Variants in ABCG2 observed in about 807,000 individuals in gnomAD.
The protein encoded by ABCG2 is broad substrate specificity ATP-binding cassette transporter ABCG2.
ABCG2 carries 80 observed loss-of-function variants against 73.5 expected under a neutral mutation model. That is an observed-to-expected ratio of 1.09 (90% CI 0.91 to 1.31). ABCG2 has a LOEUF of 1.31. Ranked by LOEUF, ABCG2 falls within the 50% of genes most tolerant of loss-of-function variation. The pLI, the probability that ABCG2 is intolerant of heterozygous loss-of-function variation, is 0.00. For missense variants in ABCG2, 796 were observed against 786.2 expected, an observed-to-expected ratio of 1.01 and a Z score of -0.15; for synonymous variants, 269 against 282.4, an observed-to-expected ratio of 0.95 and a Z score of 0.48.
chr4:88,178,401 T>G (rs1425538682), intron 1 of ABCG2, among the ~76,000 whole-genome samples: 1 of 152,056 alleles, frequency 6.6e-6, no homozygotes, highest in African/African-American at 2.4e-5. Flanking sequence ...CCCTCAACAA[T>G]CAGTAGCGGT....
intron 1 of ABCG2, among the ~76,000 whole-genome samples, chr4:88,194,298 CT>C (rs1209497955): frequency 6.6e-6 from 1 of 151,538 alleles, no homozygotes; most frequent in Non-Finnish European, 1.5e-5. Flanking sequence ...CGCCTGTAAT[CT>C]CAGCACTTTG....
chr4:88,171,620 T>G (rs1727759022), intron 1 of ABCG2, among the ~76,000 whole-genome samples: 1 of 104,470 alleles, frequency 9.6e-6, no homozygotes, highest in South Asian at 3.0e-4. Flanking sequence ...ACTTTAATTC[T>G]GATAATTATA....
At chr4:88,093,393 A>C (rs1468024932) in intron 15 of ABCG2, among the ~76,000 whole-genome samples, 1 of 150,618 alleles carries the variant, frequency 6.6e-6, no homozygotes, top group African/African-American at 2.4e-5. Flanking sequence ...AATCCCAGCT[A>C]CTCAGGAGGC....
intron 3 of ABCG2, 126 bp downstream of exon 3, chr4:88,132,450 C>G: frequency 1.0e-6 from 1 of 998,574 alleles, no homozygotes; most frequent in South Asian, 1.4e-5. Flanking sequence ...TCCACAGCAC[C>G]TAGAACCAGA....
chr4:88,172,800 G>T (rs759698931), intron 1 of ABCG2, among the ~76,000 whole-genome samples: 3 of 151,970 alleles, frequency 2.0e-5, no homozygotes, highest in Admixed American at 6.6e-5. Flanking sequence ...TGCAGGAGGG[G>T]TTTTTTTCTG....
intron 1 of ABCG2, among the ~76,000 whole-genome samples, chr4:88,174,282 G>T (rs56357049): frequency 6.6e-6 from 1 of 151,714 alleles, no homozygotes; most frequent in Admixed American, 6.6e-5. Context: ...TTTAAGCCCC[G>T]CATGCATTAG....
At position 88,092,354 on chromosome 4, in the gene ABCG2, C is replaced by G; in HGVS notation, c.1848G>C (p.Lys616Asn). ...CCCAGGGTGAGAGATCGATGCCCTGCTTTACCAAATATTCTTCGCCAGTAC... is the reference window on the plus strand; with the variant it reads ...CCCAGGGTGAGAGATCGATGCCCTGGTTTACCAAATATTCTTCGCCAGTAC... ...ATCTGEEYLV[K>N]QGIDLSPWGL... Residue 616 changes from lysine (K) to asparagine (N), a missense_variant, in exon 16 of 16, where the codon AAG becomes AAC. By Grantham distance (94) the Lys-to-Asn change is moderately conservative (BLOSUM62 0). Coordinates refer to ENST00000237612, the MANE Select transcript of ABCG2 (RefSeq NM_004827.3). 1 of 1,611,984 alleles carries G rather than the reference C, an allele frequency of 6.2e-7. No individual in the cohort carries two copies. The highest frequency in any genetic ancestry group is 8.5e-7 in the Non-Finnish European group (1 of 1,179,542).
intron 6 of ABCG2, among the ~76,000 whole-genome samples, chr4:88,120,960 A>C (rs1198029199): frequency 6.6e-6 from 1 of 152,224 alleles, no homozygotes; most frequent in Non-Finnish European, 1.5e-5. Context: ...AACAATACAC[A>C]GGTGGAAGAA....
chr4:88,161,169 A>ATTT (rs34048085), upstream of ABCG2, among the ~76,000 whole-genome samples: 1 of 141,124 alleles, frequency 7.1e-6, no homozygotes, highest in African/African-American at 2.6e-5. Flanking sequence ...TTTTTTTTTA[A>ATTT]TTTTTTTTTT....
At chr4:88,217,391 T>C (rs891465880) in intron 1 of ABCG2, among the ~76,000 whole-genome samples, 1 of 152,116 alleles carries the variant, frequency 6.6e-6, no homozygotes, top group East Asian at 1.9e-4. Context: ...CCAGGCGCGG[T>C]GGCTCATGTC....
chr4:88,096,228 C>T (rs1228452309), intron 13 of ABCG2, among the ~76,000 whole-genome samples: 2 of 152,150 alleles, frequency 1.3e-5, no homozygotes, highest in African/African-American at 2.4e-5. Context: ...AAAGCAATAG[C>T]GCAATGGAGA....
At chr4:88,216,350 C>G (rs369904321) in intron 1 of ABCG2, among the ~76,000 whole-genome samples, 78 of 152,260 alleles carry the variant, frequency 5.1e-4, no homozygotes, top group African/African-American at 1.8e-3. Context: ...TTTTGTGCCG[C>G]GTGTACATCC....
At chr4:88,203,799 C>T (rs972443699) in intron 1 of ABCG2, among the ~76,000 whole-genome samples, 7 of 150,588 alleles carry the variant, frequency 4.6e-5, no homozygotes, top group African/African-American at 1.5e-4. Flanking sequence ...ATGTTTAAGA[C>T]TTTCCTTAAA....
At chr4:88,154,293 T>A (rs1726766156) in intron 1 of ABCG2, among the ~76,000 whole-genome samples, 1 of 152,186 alleles carries the variant, frequency 6.6e-6, no homozygotes, top group Non-Finnish European at 1.5e-5. Flanking sequence ...TAAAGCGGCT[T>A]TGAGAAGCGT....
intron 1 of ABCG2, among the ~76,000 whole-genome samples, chr4:88,176,290 C>T (rs1282848985): frequency 6.6e-6 from 1 of 151,910 alleles, no homozygotes; most frequent in South Asian, 2.1e-4. Flanking sequence ...CCACTGTACC[C>T]AGCCTGATAT....
At chr4:88,100,169 G>C (rs866171063) in intron 11 of ABCG2, among the ~76,000 whole-genome samples, 50 of 145,320 alleles carry the variant, frequency 3.4e-4, no homozygotes, top group Middle Eastern at 3.4e-3. Context: ...AACATAGTGA[G>C]ACCTTCTCTC....
intron 1 of ABCG2, among the ~76,000 whole-genome samples, chr4:88,217,365 C>G (rs1729852132): frequency 6.6e-6 from 1 of 152,024 alleles, no homozygotes; most frequent in Admixed American, 6.6e-5. Context: ...TTGCACATAA[C>G]AAGAATGCAT....
intron 1 of ABCG2, among the ~76,000 whole-genome samples, chr4:88,205,132 G>T (rs939280565): frequency 1.4e-4 from 21 of 152,156 alleles, no homozygotes; most frequent in Admixed American, 1.3e-4. Flanking sequence ...GGCACACTAG[G>T]AAATGTCTAA....
intron 1 of ABCG2, among the ~76,000 whole-genome samples, chr4:88,173,295 TGAAACAAATTTCAGAAA>T (rs1294514514): frequency 6.6e-6 from 1 of 152,224 alleles, no homozygotes; most frequent in Non-Finnish European, 1.5e-5. Context: ...CAGATTATTT[TGAAACAAATTTCAGAAA>T]GCAAACTACT....
Sources: gnomAD v4.1 joint callset for allele counts (sites outside exome capture counted in the v4.1 genomes callset) on GRCh38, gnomAD v4.1.1 for gene constraint, MANE v1.5 for transcripts, NCBI Gene and HGNC (gene_info 2026-07-23, HGNC 2026-07-21) for gene names.